Variants in OR9Q1 observed in about 807,000 individuals in gnomAD.
OR9Q1 encodes the protein olfactory receptor 9Q1.
For synonymous variants in OR9Q1, 153 were observed against 148.6 expected, an observed-to-expected ratio of 1.03 and a Z score of -0.22; for missense variants, 374 against 378.8, an observed-to-expected ratio of 0.99 and a Z score of 0.11.
At chr11:58,068,878 G>A (rs185049980) in intron 2 of OR9Q1, among the ~76,000 whole-genome samples, 3 of 152,068 alleles carry the variant, frequency 2.0e-5, no homozygotes, top group East Asian at 1.9e-4. Context: ...ACCAGGGAGC[G>A]GGAAAAGTGC....
At chr11:58,067,977 C>T (rs2120011490) in intron 2 of OR9Q1, among the ~76,000 whole-genome samples, 1 of 152,250 alleles carries the variant, frequency 6.6e-6, no homozygotes, top group African/African-American at 2.4e-5. Context: ...GGACCATGCA[C>T]CATGTCCTTT....
intron 2 of OR9Q1, among the ~76,000 whole-genome samples, chr11:58,084,716 A>G (rs1404865654): frequency 6.6e-6 from 1 of 151,938 alleles, no homozygotes; most frequent in Non-Finnish European, 1.5e-5. Context: ...ATAGATGCAG[A>G]AAAAGCTTTC....
chr11:58,082,087 A>G (rs1000211438), intron 2 of OR9Q1, among the ~76,000 whole-genome samples: 4 of 152,112 alleles, frequency 2.6e-5, no homozygotes, highest in Non-Finnish European at 5.9e-5. Context: ...AGTTAGAATG[A>G]CAATCATTAA....
At chr11:58,078,238 G>A (rs536789854) in intron 2 of OR9Q1, 1 of 152,328 alleles carries the variant, frequency 6.6e-6, no homozygotes, top group South Asian at 2.1e-4. Flanking sequence ...TTCATGGCTT[G>A]TAGTGTGGGG....
intron 2 of OR9Q1, among the ~76,000 whole-genome samples, chr11:58,146,800 G>A (rs151167889): frequency 6.6e-6 from 1 of 152,200 alleles, no homozygotes; most frequent in African/African-American, 2.4e-5. Flanking sequence ...CAAATGCAAA[G>A]GTCTGTGAAA....
chr11:58,180,787 T>A lies in OR9Q1; in HGVS notation c.*410T>A. 5.8e-6 allele frequency: 1 copy of A among 172,112 alleles called. No homozygotes were observed. The allele number at this position is 172,112 out of a possible 1,614,324, so 10.7% of individuals were successfully genotyped here. A position where few individuals can be genotyped will look rare whatever the true frequency, so the allele number is the denominator to read the frequency against. On this transcript the variant is annotated 3_prime_UTR_variant, in exon 3 of 3. Transcript: ENST00000335397. ...GTGTAATTGCTAATATTTGCTGTCT[T>A]TACTTGGTTACATAGATGTAATCTA...
At chr11:58,058,148 C>A (rs1270436014) in intron 2 of OR9Q1, among the ~76,000 whole-genome samples, 1 of 152,176 alleles carries the variant, frequency 6.6e-6, no homozygotes, top group African/African-American at 2.4e-5. Flanking sequence ...GCCTGGCTTC[C>A]CATGCATTGG....
chr11:58,167,179 GTAAT>G (rs1565095324), intron 2 of OR9Q1, among the ~76,000 whole-genome samples: 9 of 152,098 alleles, frequency 5.9e-5, no homozygotes. Context: ...AATCAGACAC[GTAAT>G]TAATTTTTAA....
rs1033380467 is a variant in OR9Q1, at chr11:58,089,205, G to A, written c.-15+33258G>A. Among the ~76,000 whole-genome samples the A allele has an allele frequency of 4.0e-5, 6 of 151,652 alleles. No homozygotes were observed. In the South Asian group the frequency reaches 6.2e-4, roughly 16 times the overall value. On this transcript the variant is annotated intron_variant, in intron 2 of 2. Transcript: ENST00000335397. ...TGCAATTGGATTTAGTGTTTTAGTC[G>A]TTGAAGTCTTTTCCCATGCCTATGT...
At chr11:58,114,092 C>A (rs1317070152) in intron 2 of OR9Q1, among the ~76,000 whole-genome samples, 9 of 152,106 alleles carry the variant, frequency 5.9e-5, no homozygotes, top group African/African-American at 1.9e-4. Context: ...AGAAACCCAC[C>A]TTTGAACCCA....
chr11:58,128,911 A>G (rs2119836422), intron 2 of OR9Q1, among the ~76,000 whole-genome samples: 1 of 152,372 alleles, frequency 6.6e-6, no homozygotes, highest in African/African-American at 2.4e-5. Flanking sequence ...AAAGGTATTT[A>G]TGACATACAT....
In OR9Q1 at chr11:58,041,701, T is replaced by C. The variant is rs1012663988; in HGVS notation, c.-92-14169T>C. The stretch of plus-strand genomic sequence containing the variant: ...ACTATCTGAAGGGAGAAAGAGAAAC[T>C]GGGTCAGACAACAGAGTGGGGAAGC... On this transcript the variant is annotated intron_variant, in intron 1 of 2. Transcript: ENST00000335397. 6 of 152,270 alleles carry C rather than the reference T, an allele frequency of 3.9e-5. 1 individual carries two copies. The highest frequency in any genetic ancestry group is 1.4e-4 in the African/African-American group (6 of 41,444). 9.4% of individuals were successfully genotyped at this position (152,270 alleles called of 1,614,324 possible).
At chr11:58,159,863 T>C (rs1335432509) in intron 2 of OR9Q1, among the ~76,000 whole-genome samples, 1 of 152,206 alleles carries the variant, frequency 6.6e-6, no homozygotes, top group Non-Finnish European at 1.5e-5. Flanking sequence ...CATCCAATGT[T>C]CTCTTCCTGC....
intron 1 of OR9Q1, among the ~76,000 whole-genome samples, chr11:58,049,542 A>T (rs1482322780): frequency 1.3e-5 from 1 of 75,492 alleles, no homozygotes; most frequent in Non-Finnish European, 2.4e-5. Context: ...GGCACAAGAC[A>T]GGGATGCCCT....
At chr11:58,030,783 CA>C in intron 1 of OR9Q1, 1 of 598,462 alleles carries the variant, frequency 1.7e-6, no homozygotes, top group Non-Finnish European at 3.0e-6. Flanking sequence ...TTTGTTTTCT[CA>C]TGTCCCTCAT....
intron 2 of OR9Q1, among the ~76,000 whole-genome samples, chr11:58,156,156 A>G (rs907796717): frequency 6.6e-6 from 1 of 151,682 alleles, no homozygotes; most frequent in Non-Finnish European, 1.5e-5. Flanking sequence ...CAGGTGATCC[A>G]CCCGCCTCGG....
intron 2 of OR9Q1, among the ~76,000 whole-genome samples, chr11:58,172,357 AC>A (rs2119951178): frequency 6.6e-6 from 1 of 152,028 alleles, no homozygotes; most frequent in East Asian, 1.9e-4. Context: ...GTTGTTATAA[AC>A]TCTACGATGT....
rs917406741 is a variant in OR9Q1, at chr11:58,136,939, C to T, written c.-14-42492C>T. ...ACCTCCCTAAGTGTTTTCATTTTCTCGCTTGAGCATCTGCCTTTTTCTGTC... is the reference window on the plus strand; with the variant it reads ...ACCTCCCTAAGTGTTTTCATTTTCTTGCTTGAGCATCTGCCTTTTTCTGTC... On this transcript the variant is annotated intron_variant, in intron 2 of 2. Coordinates refer to ENST00000335397, the MANE Select transcript of OR9Q1 (RefSeq NM_001005212.4). 3.3e-5 allele frequency among the ~76,000 whole-genome samples: 5 copies of T among 152,158 alleles called. No individual in the cohort carries two copies. The East Asian group carries it at 7.7e-4, about 23-fold the overall frequency.
intron 2 of OR9Q1, among the ~76,000 whole-genome samples, chr11:58,061,100 C>T (rs2119996088): frequency 6.6e-6 from 1 of 152,276 alleles, no homozygotes; most frequent in South Asian, 2.1e-4. Context: ...TTCTCTCCTG[C>T]TCATCTTCTT....
Sources: allele counts gnomAD v4.1 joint callset (sites outside exome capture counted in the v4.1 genomes callset), GRCh38; gene constraint gnomAD v4.1.1; transcripts MANE v1.5; gene names NCBI Gene and HGNC (gene_info 2026-07-23, HGNC 2026-07-21).